The following RAB6B variants were observed in gnomAD, a reference collection of about 807,000 sequenced individuals.
RAB6B encodes the protein RAB6B, member RAS oncogene family.
A neutral mutation model predicts 31.2 loss-of-function variants in RAB6B; 7 were observed. That is an observed-to-expected ratio of 0.22 (90% CI 0.13 to 0.42). The LOEUF (loss-of-function observed/expected upper bound fraction) is 0.42, where lower values mean the gene tolerates loss of function less well. Ranked by LOEUF, RAB6B falls within the 10% of genes least tolerant of loss-of-function variation. RAB6B has a pLI of 1.00. For synonymous variants in RAB6B, 105 were observed against 104.9 expected, an observed-to-expected ratio of 1.00 and a Z score of -0.01; for missense variants, 149 against 280.6, an observed-to-expected ratio of 0.53 and a Z score of 3.35.
At chr3:133,864,437 G>T in intron 2 of RAB6B, 147 bp downstream of exon 2, 1 of 747,450 alleles carries the variant, frequency 1.3e-6, no homozygotes, top group Non-Finnish European at 2.4e-6. Flanking sequence ...TACAGGGATG[G>T]GGCCAGTATA....
At chr3:133,839,720 G>A in intron 4 of RAB6B, 103 bp from the exon 5 acceptor site, 4 of 841,204 alleles carry the variant, frequency 4.8e-6, no homozygotes, top group Non-Finnish European at 6.2e-6. Context: ...GTGAGCATGT[G>A]CCCTCAGATA....
intron 1 of RAB6B, among the ~76,000 whole-genome samples, chr3:133,880,471 G>T (rs1426634983): frequency 6.6e-6 from 1 of 152,258 alleles, no homozygotes; most frequent in Non-Finnish European, 1.5e-5. Context: ...GACAAAGCTT[G>T]CTCAGGCAAG....
At position 133,828,167 on chromosome 3, in the gene RAB6B, G is replaced by A. The variant is rs1015668800; in HGVS notation, c.*621C>T. ...ACAGACCTTGGTCTCAGCTCCACAC[G>A]AGGTTGACGACCCACTCTGGCCATG... is the stretch of plus-strand genomic sequence containing the variant. On this transcript the variant is annotated 3_prime_UTR_variant, in exon 8 of 8. Coordinates refer to ENST00000285208, the MANE Select transcript of RAB6B (RefSeq NM_016577.4). The A allele has an allele frequency of 8.4e-6, 5 of 593,034 alleles. No individual in the cohort carries two copies. The highest frequency in any genetic ancestry group is 3.7e-5 in the African/African-American group (2 of 53,764). The allele number at this position is 593,034 out of a possible 1,614,324, so 36.7% of individuals were successfully genotyped here.
At position 133,840,441 on chromosome 3, in the gene RAB6B, G is replaced by A. The variant is rs540556994; in HGVS notation, c.290-824C>T. Among the ~76,000 whole-genome samples the A allele has an allele frequency of 1.1e-3, 160 of 152,344 alleles. 4 individuals are homozygous for A. The South Asian group carries it at 0.032, about 30-fold the overall frequency. ...TCAGGCCATGTGAACCCAGGCCCTT[G>A]CGGGCCCAGCTCCCACCTGCACTCA... On this transcript the variant is annotated intron_variant, in intron 4 of 7. Coordinates refer to ENST00000285208, the MANE Select transcript of RAB6B (RefSeq NM_016577.4).
chr3:133,843,556 A>C (rs1259776764), intron 2 of RAB6B, among the ~76,000 whole-genome samples: 3 of 152,190 alleles, frequency 2.0e-5, no homozygotes, highest in African/African-American at 7.2e-5. Context: ...GTCACCTTTG[A>C]ACTAAAACCA....
At chr3:133,835,243 TG>T (rs1935716173) in intron 6 of RAB6B, among the ~76,000 whole-genome samples, 1 of 152,094 alleles carries the variant, frequency 6.6e-6, no homozygotes, top group African/African-American at 2.4e-5. Context: ...TGTAGGAGTG[TG>T]TGTACAGTGT....
rs758583594 is a variant in RAB6B, at chr3:133,838,147, G to A, written c.495+19C>T. ...CGTGCCGGGCCCCGTGCCGGGCCCC[G>A]TGCCAGGTGTGTCCTCACCTGCTTC... On this transcript the variant is annotated intron_variant, in intron 6 of 7. Transcript: ENST00000285208. 4.5e-5 allele frequency: 62 copies of A among 1,376,310 alleles called. No homozygotes were observed. The highest frequency in any genetic ancestry group is 5.3e-5 in the Non-Finnish European group (52 of 972,758). 85.3% of individuals were successfully genotyped at this position (1,376,310 alleles called of 1,614,324 possible).
At position 133,826,199 on chromosome 3, in the gene RAB6B, C is replaced by T. The variant is rs1656725522; in HGVS notation, c.*2589G>A. 1 of 152,152 alleles carries T rather than the reference C, an allele frequency of 6.6e-6. No individual in the cohort carries two copies. Among genetic ancestry groups the T allele is most frequent in the African/African-American group, 2.4e-5 (1 of 41,412 alleles). 9.4% of individuals were successfully genotyped at this position (152,152 alleles called of 1,614,324 possible). On this transcript the variant is annotated 3_prime_UTR_variant, in exon 8 of 8. Transcript: ENST00000285208. ...GGAAGCCACCCTCAGCCTCAGAGGC[C>T]AAGGGGCTGGGGAGAACCCAAACTC...
Position 133,827,927 on chromosome 3 carries a change from T to C in RAB6B, c.*861A>G. 1 of 702,804 alleles carries C rather than the reference T, an allele frequency of 1.4e-6. No individual in the cohort carries two copies. Among genetic ancestry groups the C allele is most frequent in the South Asian group, 1.5e-5 (1 of 67,586 alleles). 43.5% of individuals were successfully genotyped at this position (702,804 alleles called of 1,614,324 possible). On this transcript the variant is annotated 3_prime_UTR_variant, in exon 8 of 8. Coordinates refer to ENST00000285208, the MANE Select transcript of RAB6B (RefSeq NM_016577.4). ...GGGCTGGTTAAAATATTTTCAGAAG[T>C]ACACATGGCACCCCAGTCTATAAAC...
rs150321335 is a variant in RAB6B at position 133,838,560 on chromosome 3, T to A, written c.402-301A>T. Among the ~76,000 whole-genome samples the A allele has an allele frequency of 4.6e-5, 7 of 152,308 alleles. No homozygotes were observed. In the East Asian group the frequency reaches 1.4e-3, roughly 29 times the overall value. On this transcript the variant is annotated intron_variant, in intron 5 of 7. Coordinates refer to ENST00000285208, the MANE Select transcript of RAB6B (RefSeq NM_016577.4). ...ACCTGCCTTTCCCAGTAGTCACTAC[T>A]GCAGAGCCTGTGCTTATGAAGAGAT...
intron 4 of RAB6B, 58 bp from the exon 5 acceptor site, chr3:133,839,675 G>C: frequency 7.7e-7 from 1 of 1,298,060 alleles, no homozygotes; most frequent in Non-Finnish European, 1.1e-6. Context: ...GTGGGAGATG[G>C]GAAGGGGAGG....
chr3:133,827,756 C>T lies in RAB6B; in HGVS notation c.*1032G>A, dbSNP rs1002770662. On this transcript the variant is annotated 3_prime_UTR_variant, in exon 8 of 8. Transcript: ENST00000285208. ...GGTTCTGCAGACAACACCCCCCCCC[C>T]CCCCCGCCTCCCCATCACAGAGGAT... is the stretch of plus-strand genomic sequence containing the variant. The T allele has an allele frequency of 5.6e-5, 5 of 89,428 alleles. No individual in the cohort carries two copies. In the South Asian group the frequency reaches 8.0e-4, roughly 14 times the overall value. The allele number at this position is 89,428 out of a possible 1,614,324, so 5.5% of individuals were successfully genotyped here.
chr3:133,834,665 G>A (rs757262391), intron 6 of RAB6B, 24 bp from the exon 7 acceptor site: 33 of 1,610,978 alleles, frequency 2.0e-5, no homozygotes, highest in Non-Finnish European at 2.7e-5. Context: ...GAAATGCAGT[G>A]TGAACCCCAA....
rs1935558062 is a variant in RAB6B, at chr3:133,826,103, C to T, written c.*2685G>A. The T allele has an allele frequency of 3.3e-5, 5 of 152,338 alleles. No individual in the cohort carries two copies. The South Asian group carries it at 1.0e-3, about 32-fold the overall frequency. The allele number at this position is 152,338 out of a possible 1,614,324, so 9.4% of individuals were successfully genotyped here. Reference sequence around the variant, plus strand: ...GAGGTCTGGCTGCCTTTCCACACCCCAGGAAGGGAGGGGCGGAAACCGCAC... The same window carrying T: ...GAGGTCTGGCTGCCTTTCCACACCCTAGGAAGGGAGGGGCGGAAACCGCAC... On this transcript the variant is annotated 3_prime_UTR_variant, in exon 8 of 8. Coordinates refer to ENST00000285208, the MANE Select transcript of RAB6B (RefSeq NM_016577.4).
chr3:133,835,868 C>T (rs995148404), intron 6 of RAB6B, among the ~76,000 whole-genome samples: 35 of 152,096 alleles, frequency 2.3e-4, no homozygotes, highest in African/African-American at 8.5e-4. Flanking sequence ...AATATGCCTG[C>T]ACCTTGACCA....
intron 2 of RAB6B, among the ~76,000 whole-genome samples, chr3:133,845,871 A>C (rs1935902625): frequency 6.6e-6 from 1 of 152,174 alleles, no homozygotes; most frequent in Non-Finnish European, 1.5e-5. Context: ...AAATAGGTAA[A>C]AAAAAAAATT....
rs960700609 is a variant in RAB6B, at chr3:133,895,476, A to G, written c.-10T>C. 1.9e-6 allele frequency: 3 copies of G among 1,611,256 alleles called. No homozygotes were observed. In the African/African-American group the frequency reaches 4.0e-5, roughly 22 times the overall value. On this transcript the variant is annotated 5_prime_UTR_variant, in exon 1 of 8. Transcript: ENST00000285208. ...CTCCCCCTGCGGACATGGTGCTGGCAGCCGGGGCCGGGAGAGGAGGAGGAG... is the reference window on the plus strand; with the variant it reads ...CTCCCCCTGCGGACATGGTGCTGGCGGCCGGGGCCGGGAGAGGAGGAGGAG...
chr3:133,862,408 G>A (rs1041471849), intron 2 of RAB6B, among the ~76,000 whole-genome samples: 1 of 152,222 alleles, frequency 6.6e-6, no homozygotes, highest in African/African-American at 2.4e-5. Context: ...ATGCACACAG[G>A]AGCTACTGCA....
At chr3:133,854,237 C>T (rs1273193126) in intron 2 of RAB6B, among the ~76,000 whole-genome samples, 1 of 152,192 alleles carries the variant, frequency 6.6e-6, no homozygotes, top group Non-Finnish European at 1.5e-5. Context: ...TTCAGAGAGA[C>T]GGGTTCTAAA....
Sources: allele counts gnomAD v4.1 joint callset (sites outside exome capture counted in the v4.1 genomes callset), GRCh38; gene constraint gnomAD v4.1.1; transcripts MANE v1.5; gene names NCBI Gene and HGNC (gene_info 2026-07-23, HGNC 2026-07-21).